RGS9: variants seen among roughly 807,000 people sequenced by gnomAD.
RGS9 encodes regulator of G-protein signalling 9.
A neutral mutation model predicts 102.0 loss-of-function variants in RGS9; 78 were observed. The ratio of observed to expected loss-of-function variants is 0.76; its 90% CI spans 0.64 to 0.92. The LOEUF is 0.92. Among genes scored for constraint, RGS9 ranks in the 40% least tolerant of loss-of-function variants. The pLI is 0.00. For synonymous variants in RGS9, 353 were observed against 318.6 expected (o/e 1.11, Z -1.15); for missense variants, 833 against 866.1 (o/e 0.96, Z 0.48).
At chr17:65,215,455 T>C (rs1254176432) in intron 17 of RGS9, among the ~76,000 whole-genome samples, 1 of 151,996 alleles carries the variant, frequency 6.6e-6, no homozygotes, top group African/African-American at 2.4e-5. Flanking sequence ...TTACGGAGTT[T>C]CTCTTTCTTT....
At chr17:65,178,580 T>C (rs551494620) in intron 9 of RGS9, among the ~76,000 whole-genome samples, 1 of 152,266 alleles carries the variant, frequency 6.6e-6, no homozygotes, top group Non-Finnish European at 1.5e-5. Context: ...CATAGCTCAC[T>C]GCAGCCTTGA....
intron 17 of RGS9, among the ~76,000 whole-genome samples, chr17:65,212,275 G>A (rs9907146): frequency 0.19 from 28,599 of 152,124 alleles, 4,673 homozygotes; most frequent in African/African-American, 0.44. Context: ...TCAAAGTCTC[G>A]TTGCAAAAGA....
At chr17:65,195,599 G>A (rs1912554689) in intron 12 of RGS9, among the ~76,000 whole-genome samples, 1 of 152,072 alleles carries the variant, frequency 6.6e-6, no homozygotes, top group African/African-American at 2.4e-5. Context: ...TCCCCGAAGT[G>A]CATCGTGTCA....
intron 13 of RGS9, 79 bp from the exon 14 acceptor site, chr17:65,201,914 C>T (rs1457128396): frequency 1.0e-6 from 1 of 966,180 alleles, no homozygotes; most frequent in East Asian, 2.6e-5. Context: ...CCGGTTGACT[C>T]ATTTCTTTTA....
chr17:65,140,506 G>T (rs956699327), intron 1 of RGS9, among the ~76,000 whole-genome samples: 1 of 152,190 alleles, frequency 6.6e-6, no homozygotes, highest in African/African-American at 2.4e-5. Context: ...CCTTTTAAAG[G>T]TTTGGTTTTA....
At chr17:65,172,287 T>C (rs1911449777) in intron 8 of RGS9, among the ~76,000 whole-genome samples, 1 of 152,236 alleles carries the variant, frequency 6.6e-6, no homozygotes. Flanking sequence ...CACTGCAACC[T>C]CTGCCTCTTG....
chr17:65,152,488 G>T (rs988439848), intron 1 of RGS9, among the ~76,000 whole-genome samples: 1 of 152,180 alleles, frequency 6.6e-6, no homozygotes, highest in African/African-American at 2.4e-5. Context: ...GCTCTGCTGA[G>T]AATACAAAGA....
intron 9 of RGS9, among the ~76,000 whole-genome samples, chr17:65,183,105 TATC>T (rs1911960593): frequency 6.7e-6 from 1 of 150,028 alleles, no homozygotes; most frequent in African/African-American, 2.4e-5. Context: ...TCTATCTATC[TATC>T]TACCTACCTA....
chr17:65,157,465 A>G (rs1216937482), intron 2 of RGS9, among the ~76,000 whole-genome samples: 1 of 151,714 alleles, frequency 6.6e-6, no homozygotes, highest in Non-Finnish European at 1.5e-5. Context: ...TGACCCTTAG[A>G]TAAATCTGAA....
At position 65,227,566 on chromosome 17, in the gene RGS9, C is replaced by A; in HGVS notation, c.*159C>A. The A allele has an allele frequency of 9.6e-7, 1 of 1,044,360 alleles. No homozygotes were observed. Among genetic ancestry groups the A allele is most frequent in the South Asian group, 1.5e-5 (1 of 68,924 alleles). The allele number at this position is 1,044,360 out of a possible 1,614,324, so 64.7% of individuals were successfully genotyped here. ...ATGGGGTAGATTGTGGCAAAGAATG[C>A]TCTGGCTGGTTACCAGGGGCCAACT... On this transcript the variant is annotated 3_prime_UTR_variant, in exon 19 of 19. Coordinates refer to ENST00000262406, the MANE Select transcript of RGS9 (RefSeq NM_003835.4).
intron 11 of RGS9, among the ~76,000 whole-genome samples, chr17:65,192,086 A>G (rs887588545): frequency 2.0e-5 from 3 of 152,214 alleles, no homozygotes; most frequent in Non-Finnish European, 4.4e-5. Context: ...TTTTAAATTG[A>G]CACATAATTG....
chr17:65,174,757 G>A (rs577074234), intron 8 of RGS9, among the ~76,000 whole-genome samples: 78 of 152,198 alleles, frequency 5.1e-4, no homozygotes, highest in African/African-American at 1.9e-3. Context: ...CGCAAGACTG[G>A]GTAATTTATA....
intron 1 of RGS9, among the ~76,000 whole-genome samples, chr17:65,139,181 CTCCTCCTCCTCCCCAGCCTTCT>C: frequency 7.9e-6 from 1 of 125,918 alleles, no homozygotes; most frequent in African/African-American, 3.1e-5. Context: ...CTACCCCATC[CTCCTCCTCCTCCCCAGCCTTCT>C]CCTCCTCCAT....
chr17:65,196,300 A>C (rs1413745386), intron 12 of RGS9, among the ~76,000 whole-genome samples: 1 of 152,204 alleles, frequency 6.6e-6, no homozygotes, highest in Non-Finnish European at 1.5e-5. Context: ...GGCATGCTTT[A>C]TCTTGGATCC....
Position 65,173,159 on chromosome 17 carries a change from T to C in RGS9, c.583-4573T>C, listed in dbSNP as rs1339845631. ...GGCTGGTCTCGAACTCCTGACCTCATGATCTGCCGGCCTCAGGCTTTCAAA... is the reference window on the plus strand; with the variant it reads ...GGCTGGTCTCGAACTCCTGACCTCACGATCTGCCGGCCTCAGGCTTTCAAA... On this transcript the variant is annotated intron_variant, in intron 8 of 18. Coordinates refer to ENST00000262406, the MANE Select transcript of RGS9 (RefSeq NM_003835.4). This position sits in a 1 kb window ranked among gnomAD's most constrained non-coding sequence, Gnocchi z 4.8. Among the ~76,000 whole-genome samples the C allele has an allele frequency of 6.6e-6, 1 of 152,060 alleles. No individual in the cohort carries two copies. Among genetic ancestry groups the C allele is most frequent in the Non-Finnish European group, 1.5e-5 (1 of 68,002 alleles).
intron 1 of RGS9, among the ~76,000 whole-genome samples, chr17:65,138,701 A>G (rs1910008679): frequency 6.6e-6 from 1 of 152,110 alleles, no homozygotes. Context: ...GAAACTGCCT[A>G]AGTCGGCTAT....
rs147769557 is a variant in RGS9 at position 65,213,669 on chromosome 17, T to C, written c.1407+3064T>C. Among the ~76,000 whole-genome samples, 11 of 152,196 alleles carry C rather than the reference T, an allele frequency of 7.2e-5. No individual in the cohort carries two copies. In the East Asian group the frequency reaches 2.1e-3, roughly 29 times the overall value. ...TTGGCTCAGGTATCTCTTGTCTCAC[T>C]CGCCACAGGTTTGTGCTCCAGTTAT... On this transcript the variant is annotated intron_variant, in intron 17 of 18. Transcript: ENST00000262406.
In RGS9 at chr17:65,183,680, C is replaced by T. The variant is rs570168228; in HGVS notation, c.655-5606C>T. Reference sequence around the variant, plus strand: ...TTAGACCCCCTCTCTGCTCTCAATGCCAGTGCTGCCCGATTCCTCACGGTT... The same window carrying T: ...TTAGACCCCCTCTCTGCTCTCAATGTCAGTGCTGCCCGATTCCTCACGGTT... On this transcript the variant is annotated intron_variant, in intron 9 of 18. Coordinates refer to ENST00000262406, the MANE Select transcript of RGS9 (RefSeq NM_003835.4). 1.1e-4 allele frequency among the ~76,000 whole-genome samples: 17 copies of T among 152,322 alleles called. 1 individual carries two copies. In the South Asian group the frequency reaches 3.5e-3, roughly 32 times the overall value.
chr17:65,225,586 T>C, intron 18 of RGS9, 100 bp downstream of exon 18: 17 of 1,549,454 alleles, frequency 1.1e-5, no homozygotes, highest in Non-Finnish European at 1.5e-5. Context: ...CTGGGATGGG[T>C]GAGAACAGAT....
Sources: allele counts gnomAD v4.1 joint callset (sites outside exome capture counted in the v4.1 genomes callset), GRCh38; gene constraint gnomAD v4.1.1; non-coding constraint Gnocchi (gnomAD v3.1); transcripts MANE v1.5; gene names NCBI Gene and HGNC (gene_info 2026-07-23, HGNC 2026-07-21).